The following SLC7A6 variants were observed in gnomAD, a reference collection of about 807,000 sequenced individuals.
SLC7A6 encodes Y+L amino acid transporter 2.
A neutral mutation model predicts 46.6 loss-of-function variants in SLC7A6; 29 were observed. That is an observed-to-expected ratio of 0.62 (90% CI 0.46 to 0.85). The LOEUF (loss-of-function observed/expected upper bound fraction) is 0.85. Ranked by LOEUF, SLC7A6 falls within the 40% of genes least tolerant of loss-of-function variation. The pLI, the probability that SLC7A6 is intolerant of heterozygous loss-of-function variation, is 0.00. For missense variants in SLC7A6, 527 were observed against 647.6 expected, an observed-to-expected ratio of 0.81 and a Z score of 2.02; for synonymous variants, 276 against 257.3, an observed-to-expected ratio of 1.07 and a Z score of -0.70.
chr16:68,273,600 C>T (rs978499315), intron 2 of SLC7A6, among the ~76,000 whole-genome samples: 1 of 152,128 alleles, frequency 6.6e-6, no homozygotes, highest in Admixed American at 6.6e-5. Flanking sequence ...AAAGCAAATA[C>T]ACCAGTGGCA....
intron 2 of SLC7A6, chr16:68,272,996 T>A (rs1300757080): frequency 6.6e-6 from 1 of 152,040 alleles, no homozygotes; most frequent in African/African-American, 2.4e-5. Flanking sequence ...GGTGCCAGAG[T>A]GAGAGCAAAA....
chr16:68,295,578 C>T (rs1052889010), intron 8 of SLC7A6, among the ~76,000 whole-genome samples: 3 of 152,260 alleles, frequency 2.0e-5, no homozygotes, highest in African/African-American at 7.2e-5. Flanking sequence ...GCACAAGCCA[C>T]CACGCCCAGC....
In SLC7A6 at chr16:68,299,739, G is replaced by A. The variant is rs1429100998; in HGVS notation, c.*2411G>A. 6.6e-6 allele frequency: 1 copy of A among 152,162 alleles called. No homozygotes were observed. Among genetic ancestry groups the A allele is most frequent in the Non-Finnish European group, 1.5e-5 (1 of 68,040 alleles). The allele number at this position is 152,162 out of a possible 1,614,324, so 9.4% of individuals were successfully genotyped here. Reference sequence around the variant, plus strand: ...TCAATCCTTTGTTTCTATGCCTACAGACAGAAAGCAAGATGTCTAATATTA... The same window carrying A: ...TCAATCCTTTGTTTCTATGCCTACAAACAGAAAGCAAGATGTCTAATATTA... On this transcript the variant is annotated 3_prime_UTR_variant, in exon 11 of 11. Transcript: ENST00000219343.
At chr16:68,278,350 GA>G (rs1194266486) in intron 3 of SLC7A6, among the ~76,000 whole-genome samples, 1 of 151,376 alleles carries the variant, frequency 6.6e-6, no homozygotes, top group East Asian at 1.9e-4. Context: ...GTTTCTCGCA[GA>G]GGGGGATTTG....
chr16:68,290,245 C>A, intron 4 of SLC7A6, 151 bp from the exon 5 acceptor site: 1 of 710,376 alleles, frequency 1.4e-6, no homozygotes, highest in Non-Finnish European at 2.2e-6. Flanking sequence ...TTTTTTCTTT[C>A]TTGTTCCTCC....
chr16:68,275,011 C>A lies in SLC7A6; in HGVS notation c.285C>A (p.Ala95=). The A allele has an allele frequency of 6.2e-7, 1 of 1,614,096 alleles. No homozygotes were observed. The highest frequency in any genetic ancestry group is 8.5e-7 in the Non-Finnish European group (1 of 1,180,028). The change falls in exon 3 of 11, where the codon GCC becomes GCA. Residue 95 remains alanine, a synonymous_variant. Transcript: ENST00000219343. ...GTGGGCTCTTCTCTGTTGTGGGTGC[C>A]CTTTGTTATGCAGAGCTGGGGACCA... ...AIGGLFSVVG[A]LCYAELGTTI...
chr16:68,283,893 AG>A (rs1356881783), intron 3 of SLC7A6, among the ~76,000 whole-genome samples: 3 of 152,190 alleles, frequency 2.0e-5, no homozygotes, highest in Non-Finnish European at 4.4e-5. Context: ...ATGGTAAGCT[AG>A]GGGGGCTGGG....
chr16:68,266,289 GGTGCCCAC>G (rs1169379488), intron 1 of SLC7A6, among the ~76,000 whole-genome samples: 4 of 151,864 alleles, frequency 2.6e-5, no homozygotes, highest in Admixed American at 6.6e-5. Flanking sequence ...TTATGTAAAC[GGTGCCCAC>G]GGGACCTGGG....
At position 68,264,740 on chromosome 16, in the gene SLC7A6, G is replaced by A. The variant is rs1224581005; in HGVS notation, c.-166+164G>A. 6.6e-6 allele frequency: 1 copy of A among 152,384 alleles called. No homozygotes were observed. Among genetic ancestry groups the A allele is most frequent in the East Asian group, 1.9e-4 (1 of 5,202 alleles). The allele number at this position is 152,384 out of a possible 1,614,324, so 9.4% of individuals were successfully genotyped here. ...ATCGGGGCCGCGCGAGAGGCGCTGCGGGTGAGGGGGGGCGCCACGAGGAGA... is the reference window on the plus strand; with the variant it reads ...ATCGGGGCCGCGCGAGAGGCGCTGCAGGTGAGGGGGGGCGCCACGAGGAGA... On this transcript the variant is annotated intron_variant, in intron 1 of 10. Transcript: ENST00000219343. The surrounding 1 kb of genome is among the most constrained non-coding windows in gnomAD (Gnocchi z 5.8).
At chr16:68,293,147 G>A (rs1475509960) in intron 7 of SLC7A6, among the ~76,000 whole-genome samples, 6 of 152,144 alleles carry the variant, frequency 3.9e-5, no homozygotes, top group Admixed American at 2.0e-4. Flanking sequence ...CTGGGCGTGG[G>A]GCTCACACCT....
Position 68,294,825 on chromosome 16 carries a change from G to A in SLC7A6, c.1119+24G>A, listed in dbSNP as rs115489206. On this transcript the variant is annotated intron_variant, in intron 8 of 10. Transcript: ENST00000219343. ...ATGTAAGCTTTGCTGGGACCACGGG[G>A]CTCAGGTGGATCTGTGCATTGCTCC... 751 of 1,527,640 alleles carry A rather than the reference G, an allele frequency of 4.9e-4. 3 individuals carry two copies. In the African/African-American group the frequency reaches 9.1e-3, roughly 19 times the overall value. The allele number at this position is 1,527,640 out of a possible 1,614,324, so 94.6% of individuals were successfully genotyped here.
chr16:68,301,540 T>C lies in SLC7A6; in HGVS notation c.*4212T>C, dbSNP rs1432554734. 1.2e-5 allele frequency: 8 copies of C among 655,662 alleles called. No individual in the cohort carries two copies. The highest frequency in any genetic ancestry group is 7.1e-6 in the Non-Finnish European group (3 of 424,034). 40.6% of individuals were successfully genotyped at this position (655,662 alleles called of 1,614,324 possible). A position where few individuals can be genotyped will look rare whatever the true frequency, so the allele number is the denominator to read the frequency against. On this transcript the variant is annotated 3_prime_UTR_variant, in exon 11 of 11. Coordinates refer to ENST00000219343, the MANE Select transcript of SLC7A6 (RefSeq NM_003983.6). The stretch of plus-strand genomic sequence containing the variant: ...TCCTTGCTCAATAAATAAAAAAGAA[T>C]ATAGAATTCTTTTTTTTTTAAAGAA...
At chr16:68,272,626 A>G (rs2042640368) in intron 2 of SLC7A6, among the ~76,000 whole-genome samples, 1 of 152,144 alleles carries the variant, frequency 6.6e-6, no homozygotes, top group Non-Finnish European at 1.5e-5. Context: ...CTCTCTAAAT[A>G]AGGCCACTGG....
chr16:68,288,837 G>A lies in SLC7A6; in HGVS notation c.649+966G>A, dbSNP rs569869215. On this transcript the variant is annotated intron_variant, in intron 4 of 10. Transcript: ENST00000219343. ...AAATTGGCTGGGCATGGTGGTGCGC[G>A]CCTGTAATCCCAGCTACTTAGGAGG... is the stretch of plus-strand genomic sequence containing the variant. Among the ~76,000 whole-genome samples the A allele has an allele frequency of 9.9e-5, 15 of 151,750 alleles. 1 individual carries two copies. The highest frequency in any genetic ancestry group is 6.6e-4 in the Admixed American group (10 of 15,220).
At chr16:68,286,091 C>CAA (rs1165671231) in intron 3 of SLC7A6, among the ~76,000 whole-genome samples, 436 of 43,050 alleles carry the variant, frequency 0.01, 2 homozygotes, top group Non-Finnish European at 0.015. Context: ...GACCCTGTCT[C>CAA]AAAAAAAAAA....
rs372269059 is a variant in SLC7A6, at chr16:68,276,623, T to C, written c.523+1374T>C. Among the ~76,000 whole-genome samples the C allele has an allele frequency of 4.3e-4, 65 of 152,304 alleles. 1 individual carries two copies. Among genetic ancestry groups the C allele is most frequent in the East Asian group, 2.7e-3 (14 of 5,194 alleles). On this transcript the variant is annotated intron_variant, in intron 3 of 10. Transcript: ENST00000219343. ...GGATTAGGGAAGGCGGCTGCTCAGCTGTATGTCTGATAGGCTTTGGCTAGG... is the reference window on the plus strand; with the variant it reads ...GGATTAGGGAAGGCGGCTGCTCAGCCGTATGTCTGATAGGCTTTGGCTAGG...
At chr16:68,290,273 C>A in intron 4 of SLC7A6, 123 bp from the exon 5 acceptor site, 1 of 954,578 alleles carries the variant, frequency 1.0e-6, no homozygotes. Flanking sequence ...TCCTTTTTTT[C>A]ATCTTCCCTT....
chr16:68,285,611 G>A (rs530327263), intron 3 of SLC7A6, among the ~76,000 whole-genome samples: 164 of 152,304 alleles, frequency 1.1e-3, no homozygotes, highest in Non-Finnish European at 2.2e-3. Flanking sequence ...AAGCCATTGA[G>A]CCTGGCACCT....
At chr16:68,290,267 T>G in intron 4 of SLC7A6, 129 bp from the exon 5 acceptor site, 1 of 998,986 alleles carries the variant, frequency 1.0e-6, no homozygotes. Context: ...CATTCCTCCT[T>G]TTTTTCATCT....
Sources: gnomAD v4.1 joint callset for allele counts (sites outside exome capture counted in the v4.1 genomes callset) on GRCh38, gnomAD v4.1.1 for gene constraint, Gnocchi (gnomAD v3.1) non-coding constraint, MANE v1.5 for transcripts, NCBI Gene and HGNC (gene_info 2026-07-23, HGNC 2026-07-21) for gene names.